The following TENM1 variants were observed in gnomAD, a reference collection of about 807,000 sequenced individuals.
TENM1 encodes the protein teneurin-1.
TENM1 carries 35 observed loss-of-function variants against 174.8 expected under a neutral mutation model. The observed-to-expected ratio is 0.20, with a 90% CI of 0.15 to 0.27. The LOEUF (loss-of-function observed/expected upper bound fraction) is 0.27. Among genes scored for constraint, TENM1 ranks in the 10% least tolerant of loss-of-function variants. TENM1 has a pLI of 1.00. For synonymous variants in TENM1, 781 were observed against 798.7 expected, an observed-to-expected ratio of 0.98 and a Z score of 0.37; for missense variants, 1,633 against 2,130.1, an observed-to-expected ratio of 0.77 and a Z score of 4.59.
exon 32 of TENM1, chrX:124,378,024 G>C (rs2060120747): frequency 9.1e-6 from 1 of 110,055 alleles, no homozygotes; most frequent in South Asian, 3.9e-4. Flanking sequence ...CAAGCTTTAG[G>C]AGTTGTAAAA....
At chrX:124,495,929 A>G (rs1374983420) in intron 20 of TENM1, among the ~76,000 whole-genome samples, 1 of 102,036 alleles carries the variant, frequency 9.8e-6, no homozygotes, top group Non-Finnish European at 2.0e-5. Flanking sequence ...CTAAGCCAAA[A>G]GAACAAAGCT....
At chrX:124,716,593 T>C (rs2053187790) in intron 4 of TENM1, among the ~76,000 whole-genome samples, 1 of 112,341 alleles carries the variant, frequency 8.9e-6, no homozygotes, top group Non-Finnish European at 1.9e-5. Flanking sequence ...TCAGCAATTA[T>C]TGCATTGCCT....
chrX:124,924,060 C>A (rs1166597684), intron 1 of TENM1, among the ~76,000 whole-genome samples: 2 of 112,265 alleles, frequency 1.8e-5, no homozygotes, highest in African/African-American at 6.5e-5. Context: ...TTCCAAATTA[C>A]TGTGGACAGT....
the TENM1 span, among the ~76,000 whole-genome samples, chrX:125,199,660 T>G: frequency 1.8e-5 from 2 of 111,568 alleles, no homozygotes; most frequent in African/African-American, 6.5e-5. Flanking sequence ...AAGATTATAC[T>G]TCCAGGCCTT....
At chrX:124,676,341 C>G (rs2052086570) in intron 5 of TENM1, among the ~76,000 whole-genome samples, 1 of 73,509 alleles carries the variant, frequency 1.4e-5, no homozygotes, top group African/African-American at 4.8e-5. Flanking sequence ...GGATGCTACC[C>G]AGATCTCTGA....
chrX:125,108,238 A>G, the TENM1 span, among the ~76,000 whole-genome samples: 139 of 111,027 alleles, frequency 1.3e-3, no homozygotes, highest in Non-Finnish European at 2.2e-3. Context: ...TCTCTGCTCT[A>G]TTTTCACCTC....
At chrX:125,198,017 T>C in the TENM1 span, among the ~76,000 whole-genome samples, 1 of 111,796 alleles carries the variant, frequency 8.9e-6, no homozygotes, top group Non-Finnish European at 1.9e-5. Flanking sequence ...ATCATAGAGA[T>C]TGTGATTCCA....
chrX:124,718,043 C>T (rs1219696314), intron 4 of TENM1, among the ~76,000 whole-genome samples: 1 of 112,463 alleles, frequency 8.9e-6, no homozygotes, highest in East Asian at 2.8e-4. Flanking sequence ...CTACAATGCC[C>T]TCTATACTTC....
the TENM1 span, among the ~76,000 whole-genome samples, chrX:125,156,748 G>A: frequency 1.8e-5 from 2 of 111,771 alleles, no homozygotes; most frequent in Non-Finnish European, 3.8e-5. Context: ...ATGGTAGAAC[G>A]ATTTATATTC....
intron 6 of TENM1, among the ~76,000 whole-genome samples, chrX:124,667,832 T>A (rs1951398911): frequency 9.1e-6 from 1 of 109,754 alleles, no homozygotes; most frequent in Non-Finnish European, 1.9e-5. Flanking sequence ...AACTAAGTGG[T>A]GAGAAAATTC....
At chrX:125,108,101 C>T in the TENM1 span, among the ~76,000 whole-genome samples, 2 of 112,034 alleles carry the variant, frequency 1.8e-5, no homozygotes, top group Non-Finnish European at 3.8e-5. Context: ...TATGACATCT[C>T]GCAAATTAGA....
At chrX:125,112,272 T>C in the TENM1 span, among the ~76,000 whole-genome samples, 1 of 108,737 alleles carries the variant, frequency 9.2e-6, no homozygotes, top group Non-Finnish European at 1.9e-5. Flanking sequence ...ACTAGAGTTT[T>C]GATAAATATT....
chrX:125,195,975 A>G, the TENM1 span, among the ~76,000 whole-genome samples: 1 of 106,666 alleles, frequency 9.4e-6, no homozygotes, highest in Admixed American at 1.0e-4. Flanking sequence ...AAAAGAGAAG[A>G]AAAAAAGAAG....
At chrX:125,195,203 CCT>C in the TENM1 span, among the ~76,000 whole-genome samples, 4 of 111,766 alleles carry the variant, frequency 3.6e-5, no homozygotes, top group East Asian at 8.5e-4. Context: ...ACCTGGAGAG[CCT>C]CTGTGGAAAA....
intron 5 of TENM1, among the ~76,000 whole-genome samples, chrX:124,691,436 G>A (rs2052519827): frequency 8.9e-6 from 1 of 112,103 alleles, no homozygotes; most frequent in African/African-American, 3.2e-5. Context: ...ACTACACTAA[G>A]ACGTCATTTC....
At chrX:125,014,551 T>C in the TENM1 span, among the ~76,000 whole-genome samples, 8 of 112,350 alleles carry the variant, frequency 7.1e-5, no homozygotes, top group East Asian at 2.8e-4. Flanking sequence ...AACATAATTA[T>C]GTTATTATTA....
chrX:124,793,161 G>A (rs1322858299), intron 3 of TENM1, among the ~76,000 whole-genome samples: 2 of 111,385 alleles, frequency 1.8e-5, no homozygotes, highest in Non-Finnish European at 3.8e-5. Context: ...GAGGAAGTCT[G>A]GATAAAGAGT....
chrX:125,120,057 T>C, the TENM1 span, among the ~76,000 whole-genome samples: 1 of 111,461 alleles, frequency 9.0e-6, no homozygotes, highest in Non-Finnish European at 1.9e-5. Context: ...TCAATACTTC[T>C]ACTACAAAAG....
At chrX:124,434,020 A>G (rs1029125241) in intron 23 of TENM1, among the ~76,000 whole-genome samples, 1 of 112,173 alleles carries the variant, frequency 8.9e-6, no homozygotes, top group Admixed American at 9.5e-5. Flanking sequence ...TCTCTTTCAG[A>G]AAGTCTATGA....
Sources: gnomAD v4.1 joint callset for allele counts (sites outside exome capture counted in the v4.1 genomes callset) on GRCh38, gnomAD v4.1.1 for gene constraint, MANE v1.5 for transcripts, NCBI Gene and HGNC (gene_info 2026-07-23, HGNC 2026-07-21) for gene names.